DOCK8: variants seen among roughly 807,000 people sequenced by gnomAD.
The protein encoded by DOCK8 is dedicator of cytokinesis protein 8.
DOCK8 carries 141 observed loss-of-function variants against 245.6 expected under a neutral mutation model. That is an observed-to-expected ratio of 0.57 (90% CI 0.50 to 0.66). The LOEUF (loss-of-function observed/expected upper bound fraction) is 0.66, where lower values mean the gene tolerates loss of function less well. DOCK8 is among the 30% of genes least tolerant of loss of function. The probability of loss-of-function intolerance (pLI) is 0.00; values close to 1 mark genes in which losing one functional copy is unlikely to be tolerated. For synonymous variants in DOCK8, 1,168 were observed against 970.2 expected (o/e 1.20, Z -3.79); for missense variants, 2,965 against 2,603.4 (o/e 1.14, Z -3.02).
At chr9:420,712 T>C in intron 31 of DOCK8, 129 bp downstream of exon 31, 2 of 1,312,432 alleles carry the variant, frequency 1.5e-6, no homozygotes, top group South Asian at 2.4e-5. Context: ...TTCAAATCCA[T>C]AACCCATTTG....
chr9:220,405 A>G (rs760473486), intron 1 of DOCK8, among the ~76,000 whole-genome samples: 34 of 152,206 alleles, frequency 2.2e-4, no homozygotes, highest in Non-Finnish European at 4.0e-4. Context: ...GTGGAAAGAA[A>G]ACGTAGTAAC....
rs775333595 is a variant in DOCK8 at position 414,832 on chromosome 9, G to C, written c.3581G>C (p.Ser1194Thr). 1.2e-6 allele frequency: 2 copies of C among 1,614,086 alleles called. No homozygotes were observed. Among genetic ancestry groups the C allele is most frequent in the Admixed American group, 3.3e-5 (2 of 60,002 alleles). The change falls in exon 29 of 48, where the codon AGT (serine) becomes ACT (threonine). Residue 1194 changes from serine (S) to threonine (T), a missense_variant. Physicochemically the swap from Ser to Thr is moderately conservative, Grantham distance 58. This residue lies in a region of DOCK8 where 2,825 missense variants were observed against 2,453.5 expected (regional missense o/e 1.15). Coordinates refer to ENST00000432829, the MANE Select transcript of DOCK8 (RefSeq NM_203447.4). ...GTCAGTGCAATTCACAGCCTGCTAA[G>C]TTCTCACGACCTGGACCCACGCTGT... ...KAVSAIHSLL[S>T]SHDLDPRCVK...
intron 5 of DOCK8, among the ~76,000 whole-genome samples, chr9:305,748 G>C (rs182647441): frequency 6.6e-6 from 1 of 152,302 alleles, no homozygotes; most frequent in East Asian, 1.9e-4. Flanking sequence ...CAGAAAGAAA[G>C]CAAGCCTTCA....
chr9:391,981 T>C (rs565637169), intron 24 of DOCK8, among the ~76,000 whole-genome samples: 1 of 151,562 alleles, frequency 6.6e-6, no homozygotes, highest in African/African-American at 2.4e-5. Context: ...CTACTAAAAA[T>C]ACAAAAATTA....
At chr9:311,921 T>C (rs761312385) in intron 5 of DOCK8, 33 bp from the exon 6 acceptor site, 3 of 1,610,650 alleles carry the variant, frequency 1.9e-6, no homozygotes, top group Admixed American at 3.3e-5. Flanking sequence ...ACTTGCCGTC[T>C]CTCTCACAAA....
chr9:463,586 C>A lies in DOCK8; in HGVS notation c.6138C>A (p.Leu2046=). The A allele has an allele frequency of 6.2e-7, 1 of 1,614,016 alleles. No individual in the cohort carries two copies. Among genetic ancestry groups the A allele is most frequent in the East Asian group, 2.2e-5 (1 of 44,874 alleles). ...TADQREYQQE[L]KKNYNKLKEN... ...ACCAGAGGGAATATCAGCAGGAACTCAAAAAGAACTATAACAAGCTAAAAG... is the reference window on the plus strand; with the variant it reads ...ACCAGAGGGAATATCAGCAGGAACTAAAAAAGAACTATAACAAGCTAAAAG... The change falls in exon 47 of 48, where the codon CTC becomes CTA. Residue 2046 remains leucine (L), a synonymous_variant. Coordinates refer to ENST00000432829, the MANE Select transcript of DOCK8 (RefSeq NM_203447.4).
intron 1 of DOCK8, among the ~76,000 whole-genome samples, chr9:266,821 T>C (rs1267976111): frequency 6.6e-6 from 1 of 152,154 alleles, no homozygotes; most frequent in Non-Finnish European, 1.5e-5. Context: ...CTATTTTGAG[T>C]TCCTTAGAAG....
intron 2 of DOCK8, among the ~76,000 whole-genome samples, chr9:276,697 T>C (rs1224979268): frequency 1.3e-5 from 2 of 152,226 alleles, no homozygotes; most frequent in African/African-American, 4.8e-5. Context: ...GCCACAGCTG[T>C]GTGAATAGAT....
chr9:313,259 A>C (rs753809956), intron 6 of DOCK8, among the ~76,000 whole-genome samples: 15 of 152,376 alleles, frequency 9.8e-5, no homozygotes, highest in South Asian at 2.1e-4. Context: ...GAGAAAGAAG[A>C]AGCACGCTTC....
chr9:275,846 C>A (rs1167001281), intron 2 of DOCK8, among the ~76,000 whole-genome samples: 1 of 150,654 alleles, frequency 6.6e-6, no homozygotes, highest in Non-Finnish European at 1.5e-5. Context: ...ACCTCGGCCT[C>A]CCAAAGTGCT....
rs182295286 is a variant in DOCK8 at position 376,379 on chromosome 9, A to T, written c.2205+74A>T. On this transcript the variant is annotated intron_variant, in intron 19 of 47. Transcript: ENST00000432829. Reference sequence around the variant, plus strand: ...CCTTTGAAGGACAGGCCAATAAAAGATCAGTGAAAATCCTTGTCTACAGAT... The same window carrying T: ...CCTTTGAAGGACAGGCCAATAAAAGTTCAGTGAAAATCCTTGTCTACAGAT... The T allele has an allele frequency of 3.0e-4, 315 of 1,037,160 alleles. 5 individuals carry two copies. The East Asian group carries it at 7.4e-3, about 24-fold the overall frequency. The allele number at this position is 1,037,160 out of a possible 1,614,324, so 64.2% of individuals were successfully genotyped here.
At chr9:216,217 G>A (rs765344433) in intron 1 of DOCK8, among the ~76,000 whole-genome samples, 215 of 152,070 alleles carry the variant, frequency 1.4e-3, no homozygotes, top group Non-Finnish European at 2.4e-3. Context: ...AATGTTGGAG[G>A]CCAAAAGGTA....
chr9:333,575 TG>T (rs775329656), intron 10 of DOCK8, among the ~76,000 whole-genome samples: 191 of 150,034 alleles, frequency 1.3e-3, no homozygotes, highest in Middle Eastern at 3.5e-3. Flanking sequence ...CACTCCAGCC[TG>T]GGTGACAGAG....
chr9:371,170 GTTGTTTTTTGTTTT>G lies in DOCK8; in HGVS notation c.1869-235_1869-222del, dbSNP rs1554681866. Among the ~76,000 whole-genome samples the G allele has an allele frequency of 4.6e-5, 7 of 151,416 alleles. No homozygotes were observed. In the East Asian group the frequency reaches 5.8e-4, roughly 13 times the overall value. ...TTGGAGTTTTCCATTGTGTGGGGGA[GTTGTTTTTTGTTTT>G]TTGTTTTTTGTTTTTTGTTTTTCCT... On this transcript the variant is annotated intron_variant, in intron 16 of 47. Transcript: ENST00000432829.
chr9:269,664 T>A (rs903779448), intron 1 of DOCK8, among the ~76,000 whole-genome samples: 21 of 151,552 alleles, frequency 1.4e-4, no homozygotes, highest in African/African-American at 5.1e-4. Flanking sequence ...CAAGCAATTG[T>A]CATGCCTCAG....
intron 1 of DOCK8, among the ~76,000 whole-genome samples, chr9:260,896 G>A (rs1017289622): frequency 2.0e-5 from 3 of 152,128 alleles, no homozygotes; most frequent in Non-Finnish European, 2.9e-5. Context: ...CAACATAGAC[G>A]ACTCTCAAGT....
intron 22 of DOCK8, among the ~76,000 whole-genome samples, chr9:384,209 A>T (rs2053849312): frequency 6.6e-6 from 1 of 152,222 alleles, no homozygotes; most frequent in South Asian, 2.1e-4. Flanking sequence ...TTATGATATT[A>T]TTCACATACC....
chr9:438,286 C>T (rs4741920), intron 39 of DOCK8, among the ~76,000 whole-genome samples: 89,429 of 151,694 alleles, frequency 0.59, 29,456 homozygotes, highest in East Asian at 0.95. Flanking sequence ...TTAAGAATTT[C>T]GAGACTATGT....
chr9:300,824 A>G (rs1305740109), intron 4 of DOCK8, among the ~76,000 whole-genome samples: 1 of 152,208 alleles, frequency 6.6e-6, no homozygotes, highest in African/African-American at 2.4e-5. Flanking sequence ...GAACAGACCA[A>G]TAGTGAGTTC....
Sources: allele counts gnomAD v4.1 joint callset (sites outside exome capture counted in the v4.1 genomes callset), GRCh38; gene constraint gnomAD v4.1.1; regional missense constraint gnomAD v4.1.1; transcripts MANE v1.5; gene names NCBI Gene and HGNC (gene_info 2026-07-23, HGNC 2026-07-21).